Variants in NCAM1 observed in about 807,000 individuals in gnomAD.
NCAM1 encodes the protein antigen recognized by monoclonal antibody 5.1H11.
A neutral mutation model predicts 109.8 loss-of-function variants in NCAM1; 14 were observed. The observed-to-expected ratio is 0.13, with a 90% CI of 0.08 to 0.20. NCAM1 has a LOEUF of 0.20. NCAM1 is among the 10% of genes least tolerant of loss of function. The probability of loss-of-function intolerance (pLI) is 1.00; values close to 1 mark genes in which losing one functional copy is unlikely to be tolerated. For missense variants in NCAM1, 774 were observed against 1,109.9 expected (o/e 0.70, Z 4.30); for synonymous variants, 418 against 442.9 (o/e 0.94, Z 0.70).
intron 1 of NCAM1, among the ~76,000 whole-genome samples, chr11:113,040,362 AG>A (rs1953032627): frequency 6.6e-6 from 1 of 152,146 alleles, no homozygotes; most frequent in African/African-American, 2.4e-5. Flanking sequence ...TTGTCTGAGA[AG>A]GAAAACAGGT....
At chr11:113,113,633 C>T (rs1940548015) in intron 1 of NCAM1, among the ~76,000 whole-genome samples, 1 of 152,114 alleles carries the variant, frequency 6.6e-6, no homozygotes, top group South Asian at 2.1e-4. Context: ...TAGGGTGGAA[C>T]CACTAGACAA....
chr11:113,025,387 C>A (rs1333700462), intron 1 of NCAM1, among the ~76,000 whole-genome samples: 1 of 152,038 alleles, frequency 6.6e-6, no homozygotes, highest in Non-Finnish European at 1.5e-5. Flanking sequence ...ATTTGCCGAG[C>A]ACCTACTTCT....
chr11:113,162,991 C>T (rs1367126603), intron 1 of NCAM1, among the ~76,000 whole-genome samples: 4 of 152,226 alleles, frequency 2.6e-5, no homozygotes, highest in African/African-American at 9.6e-5. Flanking sequence ...CATCCCTTCA[C>T]ACTCAAATTC....
At chr11:113,036,111 G>A (rs1262305953) in intron 1 of NCAM1, among the ~76,000 whole-genome samples, 1 of 151,792 alleles carries the variant, frequency 6.6e-6, no homozygotes, top group African/African-American at 2.4e-5. Context: ...TCCCCACCCG[G>A]GCTCTTCCAA....
intron 1 of NCAM1, among the ~76,000 whole-genome samples, chr11:113,029,257 G>T (rs1424240435): frequency 6.6e-6 from 1 of 152,176 alleles, no homozygotes; most frequent in African/African-American, 2.4e-5. Flanking sequence ...AATTAAGAAA[G>T]GAGGTGAGGA....
intron 1 of NCAM1, among the ~76,000 whole-genome samples, chr11:113,105,788 G>A (rs1187056102): frequency 6.6e-6 from 1 of 152,174 alleles, no homozygotes; most frequent in Non-Finnish European, 1.5e-5. Flanking sequence ...TGGCTGCTAA[G>A]AGGTGTGTTA....
At chr11:113,104,412 G>T (rs890752368) in intron 1 of NCAM1, among the ~76,000 whole-genome samples, 102 of 151,714 alleles carry the variant, frequency 6.7e-4, no homozygotes, top group African/African-American at 2.4e-3. Flanking sequence ...TTTAGTTCAT[G>T]AAAAAGATCA....
chr11:113,186,927 G>A (rs1204430446), intron 1 of NCAM1, among the ~76,000 whole-genome samples: 1 of 152,234 alleles, frequency 6.6e-6, no homozygotes, highest in Non-Finnish European at 1.5e-5. Flanking sequence ...AGGCTCCTTA[G>A]GGGACATGAG....
intron 14 of NCAM1, chr11:113,240,956 G>C (rs1158529219): frequency 1.3e-5 from 13 of 983,136 alleles, no homozygotes; most frequent in Admixed American, 1.2e-4. Flanking sequence ...AAGCAGCGTC[G>C]GGTTTTAGAG....
At chr11:113,088,891 A>AT (rs1565429213) in intron 1 of NCAM1, among the ~76,000 whole-genome samples, 1 of 152,144 alleles carries the variant, frequency 6.6e-6, no homozygotes, top group African/African-American at 2.4e-5. Context: ...GATATTATTT[A>AT]TTTTTTGATT....
At chr11:113,255,226 A>G (rs1289250293) in intron 15 of NCAM1, among the ~76,000 whole-genome samples, 2 of 152,230 alleles carry the variant, frequency 1.3e-5, no homozygotes, top group African/African-American at 2.4e-5. Flanking sequence ...GGAAACTTGC[A>G]TAAGAGCCAT....
intron 2 of NCAM1, among the ~76,000 whole-genome samples, chr11:113,203,689 G>A (rs1273767774): frequency 6.6e-6 from 1 of 152,248 alleles, no homozygotes; most frequent in Non-Finnish European, 1.5e-5. Context: ...GCAAGGAAAT[G>A]AATTTGTCTG....
intron 1 of NCAM1, among the ~76,000 whole-genome samples, chr11:113,109,056 G>A (rs377249830): frequency 2.1e-3 from 321 of 150,820 alleles, no homozygotes; most frequent in African/African-American, 7.4e-3. Context: ...GGTTTTAAGA[G>A]GAGTGAGGAG....
At chr11:113,214,936 G>A (rs562057765) in intron 8 of NCAM1, among the ~76,000 whole-genome samples, 1 of 152,268 alleles carries the variant, frequency 6.6e-6, no homozygotes, top group South Asian at 2.1e-4. Flanking sequence ...TCTTTTTCTT[G>A]TGTTTGTATA....
At chr11:113,257,006 C>A (rs1298913351) in intron 16 of NCAM1, among the ~76,000 whole-genome samples, 3 of 152,330 alleles carry the variant, frequency 2.0e-5, no homozygotes, top group Middle Eastern at 3.4e-3. Context: ...AGTCTTCTGG[C>A]AAGTCAGTTC....
At chr11:113,182,016 A>G (rs1357930949) in intron 1 of NCAM1, among the ~76,000 whole-genome samples, 5 of 152,150 alleles carry the variant, frequency 3.3e-5, no homozygotes, top group East Asian at 3.9e-4. Context: ...ACACAAATCA[A>G]TACAGTGATT....
At chr11:113,062,192 T>C (rs1343547860) in intron 1 of NCAM1, among the ~76,000 whole-genome samples, 2 of 152,214 alleles carry the variant, frequency 1.3e-5, no homozygotes, top group Admixed American at 6.5e-5. Flanking sequence ...TCTATGTAGT[T>C]CCAGAACATT....
At chr11:113,245,386 G>T (rs537765985) in intron 14 of NCAM1, among the ~76,000 whole-genome samples, 1 of 152,336 alleles carries the variant, frequency 6.6e-6, no homozygotes, top group South Asian at 2.1e-4. Context: ...AGGCTGGAGT[G>T]AGCTATCTTC....
At chr11:113,052,344 G>A (rs1322231016) in intron 1 of NCAM1, among the ~76,000 whole-genome samples, 2 of 152,194 alleles carry the variant, frequency 1.3e-5, no homozygotes, top group Non-Finnish European at 2.9e-5. Context: ...CTTGAGCTGT[G>A]AGAAGCAGAT....
Sources: gnomAD v4.1 joint callset for allele counts (sites outside exome capture counted in the v4.1 genomes callset) on GRCh38, gnomAD v4.1.1 for gene constraint, MANE v1.5 for transcripts, NCBI Gene and HGNC (gene_info 2026-07-23, HGNC 2026-07-21) for gene names.